The following RIPOR2 variants were observed in gnomAD, a reference collection of about 807,000 sequenced individuals.
The protein encoded by RIPOR2 is RHO family interacting cell polarization regulator 2.
In RIPOR2, 39 loss-of-function variants were observed where a neutral mutation model predicts 114.5. The ratio of observed to expected loss-of-function variants is 0.34; its 90% CI spans 0.26 to 0.44. The LOEUF (loss-of-function observed/expected upper bound fraction) is 0.44. Ranked by LOEUF, RIPOR2 falls within the 20% of genes least tolerant of loss-of-function variation. The pLI is 1.00. For missense variants in RIPOR2, 1,007 were observed against 1,255.1 expected, an observed-to-expected ratio of 0.80 and a Z score of 2.99; for synonymous variants, 445 against 484.4, an observed-to-expected ratio of 0.92 and a Z score of 1.07.
At chr6:25,020,178 T>C (rs1230036595) in intron 1 of RIPOR2, among the ~76,000 whole-genome samples, 1 of 152,218 alleles carries the variant, frequency 6.6e-6, no homozygotes, top group East Asian at 1.9e-4. Flanking sequence ...ACAATGTTAA[T>C]TTGCTATTGT....
chr6:24,965,950 G>C (rs1045510649), intron 1 of RIPOR2, among the ~76,000 whole-genome samples: 4 of 151,816 alleles, frequency 2.6e-5, no homozygotes, highest in Admixed American at 2.6e-4. Context: ...CTCTAATTTG[G>C]AGGATCTCAG....
chr6:24,912,468 T>C (rs12525924), intron 1 of RIPOR2, among the ~76,000 whole-genome samples: 9,006 of 51,796 alleles, frequency 0.17, 364 homozygotes, highest in Non-Finnish European at 0.21. Flanking sequence ...GCCCCCCCCC[T>C]TTTTTTTTTG....
chr6:24,936,670 G>A (rs1771824434), upstream of RIPOR2, among the ~76,000 whole-genome samples: 1 of 152,184 alleles, frequency 6.6e-6, no homozygotes, highest in South Asian at 2.1e-4. Context: ...TCCTCCCAAA[G>A]GGATGAGTGA....
chr6:24,849,922 T>A lies in RIPOR2; in HGVS notation c.914A>T (p.His305Leu). The part of the protein sequence containing the change: ...KVTELKGLAT[H>L]ILVGSVTCET... ...ACAGGTCACGCTACCTACCAGGATG[T>A]GAGTTGCTAGCCCTTTGAGCTCCGT... Residue 305 changes from histidine (H) to leucine (L), a missense_variant, in exon 11 of 22, where the codon CAC becomes CTC. Transcript: ENST00000643898. The A allele has an allele frequency of 3.1e-6, 5 of 1,613,802 alleles. No individual in the cohort carries two copies. The highest frequency in any genetic ancestry group is 4.2e-6 in the Non-Finnish European group (5 of 1,179,792).
intron 1 of RIPOR2, among the ~76,000 whole-genome samples, chr6:24,886,780 A>G (rs1766876378): frequency 6.6e-6 from 1 of 152,200 alleles, no homozygotes; most frequent in Non-Finnish European, 1.5e-5. Flanking sequence ...CTCCTACGGA[A>G]AGTTACTATC....
At chr6:24,974,867 T>C (rs1487699310) in intron 1 of RIPOR2, among the ~76,000 whole-genome samples, 1 of 152,170 alleles carries the variant, frequency 6.6e-6, no homozygotes, top group East Asian at 1.9e-4. Flanking sequence ...TAAAATATTA[T>C]GCTAAGTGAA....
In RIPOR2 at chr6:24,826,065, T is replaced by C. The variant is rs141461749; in HGVS notation, c.2666-637A>G. ...CCTCAGCCTCCCAAGTAGCTGGGAT[T>C]ATAGGCGCATGCCACCACGCCTGGC... On this transcript the variant is annotated intron_variant, in intron 18 of 21. Coordinates refer to ENST00000643898, the MANE Select transcript of RIPOR2 (RefSeq NM_001286445.3). Among the ~76,000 whole-genome samples, 535 of 152,034 alleles carry C rather than the reference T, an allele frequency of 3.5e-3. 2 individuals carry two copies. The highest frequency in any genetic ancestry group is 0.012 in the African/African-American group (498 of 41,436).
chr6:24,926,379 T>C (rs1770861270), intron 1 of RIPOR2, among the ~76,000 whole-genome samples: 1 of 152,182 alleles, frequency 6.6e-6, no homozygotes, highest in Admixed American at 6.5e-5. Context: ...AAAACTGCCA[T>C]AGTACATGTT....
intron 1 of RIPOR2, among the ~76,000 whole-genome samples, chr6:24,903,833 C>CAAGACAGA (rs1768705741): frequency 6.6e-6 from 1 of 152,212 alleles, no homozygotes; most frequent in South Asian, 2.1e-4. Context: ...CTCAGGCATC[C>CAAGACAGA]ACTTGTGTTC....
At chr6:24,873,032 T>C (rs941347297) in intron 3 of RIPOR2, 73 bp from the exon 4 acceptor site, 3 of 1,027,292 alleles carry the variant, frequency 2.9e-6, no homozygotes, top group Non-Finnish European at 4.6e-6. Context: ...TTGCTGACTT[T>C]TCCTTCTCAA....
intron 1 of RIPOR2, among the ~76,000 whole-genome samples, chr6:25,035,643 G>C (rs1777208217): frequency 6.6e-6 from 1 of 152,134 alleles, no homozygotes; most frequent in South Asian, 2.1e-4. Context: ...AGGAGGCCGG[G>C]GGAGAAACAT....
At chr6:24,823,077 G>A (rs569793720) in intron 19 of RIPOR2, among the ~76,000 whole-genome samples, 11 of 152,334 alleles carry the variant, frequency 7.2e-5, no homozygotes, top group Non-Finnish European at 1.2e-4. Context: ...TACTTGTCTA[G>A]GTGTGGGGAA....
At chr6:24,959,068 G>T (rs1430166166) in intron 1 of RIPOR2, among the ~76,000 whole-genome samples, 1 of 149,856 alleles carries the variant, frequency 6.7e-6, no homozygotes, top group Non-Finnish European at 1.5e-5. Flanking sequence ...CTCCAGCTTT[G>T]ATCTTACAAA....
At chr6:24,893,708 C>G (rs541060337) in intron 1 of RIPOR2, among the ~76,000 whole-genome samples, 32 of 152,252 alleles carry the variant, frequency 2.1e-4, no homozygotes, top group Non-Finnish European at 2.6e-4. Flanking sequence ...TACAGAAGCC[C>G]CAACCAAACT....
At chr6:24,873,461 A>G (rs1194367571) in intron 3 of RIPOR2, among the ~76,000 whole-genome samples, 183 bp downstream of exon 3, 1 of 152,236 alleles carries the variant, frequency 6.6e-6, no homozygotes, top group African/African-American at 2.4e-5. Context: ...AATGTTATGA[A>G]TATGATGTGG....
At chr6:24,994,348 A>C (rs1774957495) in intron 1 of RIPOR2, among the ~76,000 whole-genome samples, 1 of 152,202 alleles carries the variant, frequency 6.6e-6, no homozygotes, top group Admixed American at 6.5e-5. Context: ...AGGTAATACC[A>C]TTTGAAGGTC....
At chr6:25,003,637 C>T (rs947590403) in intron 1 of RIPOR2, among the ~76,000 whole-genome samples, 5 of 151,902 alleles carry the variant, frequency 3.3e-5, no homozygotes, top group Non-Finnish European at 5.9e-5. Context: ...TACTATGTTG[C>T]CCAGTCTGGT....
chr6:24,847,248 G>A (rs1338320686), intron 12 of RIPOR2, among the ~76,000 whole-genome samples: 2 of 152,144 alleles, frequency 1.3e-5, no homozygotes, highest in African/African-American at 4.8e-5. Context: ...CCACCATGCT[G>A]GGCCGAATGC....
intron 1 of RIPOR2, among the ~76,000 whole-genome samples, chr6:24,969,725 T>C (rs1773692899): frequency 6.6e-6 from 1 of 152,108 alleles, no homozygotes; most frequent in Non-Finnish European, 1.5e-5. Context: ...TCCCCTTCAC[T>C]TGTGGGGCCA....
Sources: allele counts gnomAD v4.1 joint callset (sites outside exome capture counted in the v4.1 genomes callset), GRCh38; gene constraint gnomAD v4.1.1; transcripts MANE v1.5; gene names NCBI Gene and HGNC (gene_info 2026-07-23, HGNC 2026-07-21).